Variants in SNTG2 observed in about 807,000 individuals in gnomAD.
SNTG2 encodes the protein syntrophin gamma 2.
In SNTG2, 74 loss-of-function variants were observed where a neutral mutation model predicts 70.9. The observed-to-expected ratio is 1.04, with a 90% CI of 0.86 to 1.27. SNTG2 has a LOEUF of 1.27. SNTG2 is among the 50% of genes most tolerant of loss of function. SNTG2 has a pLI of 0.00. For missense variants in SNTG2, 717 were observed against 690.7 expected, an observed-to-expected ratio of 1.04 and a Z score of -0.43; for synonymous variants, 278 against 273.8, an observed-to-expected ratio of 1.02 and a Z score of -0.15.
chr2:1,203,684 A>ATGTGTGTG, intron 8 of SNTG2, among the ~76,000 whole-genome samples: 1 of 145,276 alleles, frequency 6.9e-6, no homozygotes, highest in South Asian at 2.2e-4. Context: ...ATATATATAT[A>ATGTGTGTG]TATATATGTG....
At chr2:1,269,818 G>C (rs191512188) in intron 14 of SNTG2, among the ~76,000 whole-genome samples, 24 of 152,310 alleles carry the variant, frequency 1.6e-4, no homozygotes, top group Admixed American at 5.2e-4. Context: ...AAGACCTTTC[G>C]TGGGGAATGG....
At chr2:972,830 C>CCAGAAG (rs910397786) in intron 1 of SNTG2, among the ~76,000 whole-genome samples, 4 of 152,130 alleles carry the variant, frequency 2.6e-5, no homozygotes, top group Admixed American at 1.3e-4. Flanking sequence ...TGAGGCCTCC[C>CCAGAAG]CAGAAGCAGA....
At chr2:1,146,590 T>G (rs114669165) in intron 6 of SNTG2, among the ~76,000 whole-genome samples, 140 of 152,280 alleles carry the variant, frequency 9.2e-4, no homozygotes, top group African/African-American at 3.3e-3. Context: ...GAATAGCCAA[T>G]GCAGTATTGA....
At chr2:1,140,120 A>G (rs1194480981) in intron 6 of SNTG2, among the ~76,000 whole-genome samples, 1 of 152,226 alleles carries the variant, frequency 6.6e-6, no homozygotes, top group Non-Finnish European at 1.5e-5. Context: ...AATTAATTCT[A>G]AAAGAAAAAT....
chr2:1,162,071 CAAAAAAAAAA>C lies in SNTG2; in HGVS notation c.412-3464_412-3455del, dbSNP rs58579024. 1.2e-3 allele frequency among the ~76,000 whole-genome samples: 108 copies of C among 89,776 alleles called. No individual in the cohort carries two copies. In the South Asian group the frequency reaches 0.023, roughly 19 times the overall value. The allele number at this position is 89,776 out of a possible 152,430, so 58.9% of individuals were successfully genotyped here. A position where few individuals can be genotyped will look rare whatever the true frequency, so the allele number is the denominator to read the frequency against. Reference sequence around the variant, plus strand: ...CCTGGGCGACAGTGAGACTCCGTCTCAAAAAAAAAAAAAAAAAAAAAAGTGCTTGTTTTCA... The same window carrying C: ...CCTGGGCGACAGTGAGACTCCGTCTCAAAAAAAAAAAAGTGCTTGTTTTCA... On this transcript the variant is annotated intron_variant, in intron 6 of 16. Coordinates refer to ENST00000308624, the MANE Select transcript of SNTG2 (RefSeq NM_018968.4).
chr2:1,075,993 C>T (rs992480655), intron 1 of SNTG2, among the ~76,000 whole-genome samples: 1 of 152,178 alleles, frequency 6.6e-6, no homozygotes, highest in Non-Finnish European at 1.5e-5. Context: ...GCAGATTGCA[C>T]GCCTGTGTGT....
At chr2:1,027,434 C>T (rs1186212354) in intron 1 of SNTG2, among the ~76,000 whole-genome samples, 1 of 139,894 alleles carries the variant, frequency 7.1e-6, no homozygotes, top group Non-Finnish European at 1.5e-5. Context: ...TGCGTCTGAC[C>T]CACAGACACT....
intron 9 of SNTG2, among the ~76,000 whole-genome samples, chr2:1,229,784 C>T (rs528838958): frequency 1.1e-3 from 166 of 152,352 alleles, no homozygotes; most frequent in African/African-American, 3.5e-3. Flanking sequence ...TTGAGTGCAG[C>T]GCCGGTGGGC....
intron 1 of SNTG2, among the ~76,000 whole-genome samples, chr2:1,057,244 A>G (rs1662522736): frequency 6.6e-6 from 1 of 152,046 alleles, no homozygotes; most frequent in Non-Finnish European, 1.5e-5. Flanking sequence ...CTGTAATTAT[A>G]CCTCATCAAC....
intron 6 of SNTG2, among the ~76,000 whole-genome samples, chr2:1,139,379 C>G (rs887309182): frequency 5.9e-5 from 9 of 152,110 alleles, no homozygotes; most frequent in African/African-American, 2.4e-5. Flanking sequence ...TTATAGACGC[C>G]CACCACCATG....
chr2:1,255,156 C>A (rs548746968), intron 12 of SNTG2, among the ~76,000 whole-genome samples: 6 of 152,124 alleles, frequency 3.9e-5, no homozygotes, highest in Non-Finnish European at 5.9e-5. Flanking sequence ...GAAGCCATGG[C>A]GTGGAGCCAG....
rs926361555 is a variant in SNTG2, at chr2:971,980, T to C, written c.72+20912T>C. ...ATAGTTTTGAGTGATTTTCTTGTTA[T>C]TGATTTCTATTTTTATTGTGGTCAA... On this transcript the variant is annotated intron_variant, in intron 1 of 16. Transcript: ENST00000308624. Among the ~76,000 whole-genome samples, 10 of 152,180 alleles carry C rather than the reference T, an allele frequency of 6.6e-5. No homozygotes were observed. In the East Asian group the frequency reaches 1.3e-3, roughly 20 times the overall value.
intron 11 of SNTG2, among the ~76,000 whole-genome samples, chr2:1,240,211 G>T (rs114143811): frequency 0.021 from 3,170 of 152,194 alleles, 109 homozygotes; most frequent in African/African-American, 0.072. Flanking sequence ...TGGCCCAGTG[G>T]GTGTTATTGC....
intron 6 of SNTG2, among the ~76,000 whole-genome samples, chr2:1,141,993 C>T (rs1300185422): frequency 6.6e-6 from 1 of 152,064 alleles, no homozygotes; most frequent in Non-Finnish European, 1.5e-5. Flanking sequence ...ATGTGAATCT[C>T]TGCTTTACGG....
chr2:1,051,622 C>A (rs1288472143), intron 1 of SNTG2, among the ~76,000 whole-genome samples: 1 of 152,188 alleles, frequency 6.6e-6, no homozygotes, highest in African/African-American at 2.4e-5. Context: ...TCTGCAGTTT[C>A]TGTGCTGGGG....
chr2:1,228,134 C>T (rs1435546900), intron 9 of SNTG2, among the ~76,000 whole-genome samples: 1 of 152,260 alleles, frequency 6.6e-6, no homozygotes, highest in African/African-American at 2.4e-5. Flanking sequence ...TTCCCGTGCA[C>T]ACTCAGCCCT....
At chr2:968,624 A>G (rs1660643228) in intron 1 of SNTG2, among the ~76,000 whole-genome samples, 1 of 152,082 alleles carries the variant, frequency 6.6e-6, no homozygotes, top group Non-Finnish European at 1.5e-5. Flanking sequence ...TGTATTACCT[A>G]TAGAGTGGTG....
At chr2:1,227,378 C>A (rs144675540) in intron 9 of SNTG2, among the ~76,000 whole-genome samples, 1 of 152,242 alleles carries the variant, frequency 6.6e-6, no homozygotes, top group Admixed American at 6.5e-5. Flanking sequence ...GCCGAGGCCA[C>A]GGATGGGTGG....
intron 9 of SNTG2, among the ~76,000 whole-genome samples, chr2:1,229,814 A>G (rs2148072039): frequency 6.6e-6 from 1 of 152,358 alleles, no homozygotes; most frequent in South Asian, 2.1e-4. Context: ...TGGGGGACCC[A>G]GTACACCCTC....
Sources: allele counts gnomAD v4.1 joint callset (sites outside exome capture counted in the v4.1 genomes callset), GRCh38; gene constraint gnomAD v4.1.1; transcripts MANE v1.5; gene names NCBI Gene and HGNC (gene_info 2026-07-23, HGNC 2026-07-21).